The following MAPK10 variants were observed in gnomAD, a reference collection of about 807,000 sequenced individuals.
MAPK10 encodes JNK3 alpha protein kinase.
Under a neutral mutation model 59.3 loss-of-function variants are expected in MAPK10, and 25 were observed. That is an observed-to-expected ratio of 0.42 (90% CI 0.31 to 0.59). MAPK10 has a LOEUF of 0.59. MAPK10 is among the 20% of genes least tolerant of loss of function. MAPK10 has a pLI of 0.15. For missense variants in MAPK10, 351 were observed against 568.9 expected, an observed-to-expected ratio of 0.62 and a Z score of 3.90; for synonymous variants, 190 against 200.5, an observed-to-expected ratio of 0.95 and a Z score of 0.44.
chr4:86,207,121 C>T (rs1340786795), intron 2 of MAPK10, among the ~76,000 whole-genome samples: 1 of 151,072 alleles, frequency 6.6e-6, no homozygotes, highest in African/African-American at 2.4e-5. Flanking sequence ...AGTCCTTGCC[C>T]ATGCCTATGT....
At chr4:86,067,203 C>T (rs542269584) in intron 10 of MAPK10, among the ~76,000 whole-genome samples, 2 of 152,168 alleles carry the variant, frequency 1.3e-5, no homozygotes, top group South Asian at 2.1e-4. Flanking sequence ...ATGCAGTTGC[C>T]CGATCTCGGC....
At chr4:86,427,992 T>G (rs943860205) in intron 1 of MAPK10, among the ~76,000 whole-genome samples, 2 of 152,194 alleles carry the variant, frequency 1.3e-5, no homozygotes, top group African/African-American at 4.8e-5. Context: ...GGCTTTTATT[T>G]TGACTTCTAG....
intron 1 of MAPK10, among the ~76,000 whole-genome samples, chr4:86,508,138 C>T (rs556147679): frequency 2.0e-5 from 3 of 152,140 alleles, no homozygotes; most frequent in South Asian, 2.1e-4. Context: ...TATTCCTATT[C>T]GCAAAAAAAT....
At chr4:86,552,426 GAGGAAGGAAGGAAGGA>G (rs1354327822) in intron 1 of MAPK10, among the ~76,000 whole-genome samples, 1 of 106,926 alleles carries the variant, frequency 9.4e-6, no homozygotes, top group South Asian at 3.7e-4. Flanking sequence ...GTCTCAAAGA[GAGGAAGGAAGGAAGGA>G]AGGAAGGAAG....
intron 1 of MAPK10, among the ~76,000 whole-genome samples, chr4:86,370,370 G>T (rs1471918502): frequency 2.6e-5 from 4 of 151,790 alleles, no homozygotes; most frequent in Non-Finnish European, 4.4e-5. Context: ...ACAAGAAATA[G>T]ATAACAAATT....
chr4:86,459,064 G>A (rs1751492494), intron 1 of MAPK10, among the ~76,000 whole-genome samples: 1 of 150,472 alleles, frequency 6.6e-6, no homozygotes, highest in Non-Finnish European at 1.5e-5. Context: ...AAATTAGCAA[G>A]AAAAAAAACA....
At chr4:86,134,740 A>C (rs2061591128) in intron 4 of MAPK10, among the ~76,000 whole-genome samples, 1 of 152,226 alleles carries the variant, frequency 6.6e-6, no homozygotes. Flanking sequence ...GCGACACAGA[A>C]GACAGTGATT....
intron 1 of MAPK10, among the ~76,000 whole-genome samples, chr4:86,510,294 G>A (rs979630023): frequency 4.6e-5 from 7 of 151,824 alleles, no homozygotes; most frequent in South Asian, 2.1e-4. Flanking sequence ...TGTATTTTTT[G>A]TAGAGGCAGA....
rs570057548 is a variant in MAPK10 at position 86,488,247 on chromosome 4, A to G, written c.-263+105663T>C. Among the ~76,000 whole-genome samples the G allele has an allele frequency of 2.0e-5, 3 of 152,344 alleles. No individual in the cohort carries two copies. In the East Asian group the frequency reaches 5.8e-4, roughly 29 times the overall value. ...CAAGCACAATTCAGTAATATTGGCC[A>G]CAGACATTATCCTTTTATTCTCTCG... is the stretch of plus-strand genomic sequence containing the variant. On this transcript the variant is annotated intron_variant, in intron 1 of 4. Transcript: ENST00000502302.
chr4:86,379,290 T>C (rs1217581762), intron 1 of MAPK10, among the ~76,000 whole-genome samples: 1 of 152,196 alleles, frequency 6.6e-6, no homozygotes, highest in Non-Finnish European at 1.5e-5. Flanking sequence ...AGCATTTCTA[T>C]ATTGTAGAAA....
chr4:86,209,906 T>C (rs1269693179), intron 2 of MAPK10, among the ~76,000 whole-genome samples: 3 of 152,084 alleles, frequency 2.0e-5, no homozygotes, highest in Non-Finnish European at 4.4e-5. Context: ...CAAAGCTGTA[T>C]GGTGCTGGCA....
At chr4:86,159,201 CTATT>C in intron 4 of MAPK10, 93 bp downstream of exon 4, 2 of 898,192 alleles carry the variant, frequency 2.2e-6, no homozygotes, top group Non-Finnish European at 3.2e-6. Context: ...CCAAATTATG[CTATT>C]TATTTTGGGG....
chr4:86,135,278 A>G (rs958733591), intron 4 of MAPK10, among the ~76,000 whole-genome samples: 1 of 152,216 alleles, frequency 6.6e-6, no homozygotes, highest in African/African-American at 2.4e-5. Flanking sequence ...GCAGACTTAA[A>G]TGTCCCTGTC....
chr4:86,335,400 C>G (rs1339824236), intron 2 of MAPK10, among the ~76,000 whole-genome samples: 1 of 152,168 alleles, frequency 6.6e-6, no homozygotes, highest in Non-Finnish European at 1.5e-5. Context: ...TAAAATCTGT[C>G]TGTAATGATT....
At chr4:86,445,748 G>T (rs570564523) in intron 1 of MAPK10, among the ~76,000 whole-genome samples, 1 of 151,964 alleles carries the variant, frequency 6.6e-6, no homozygotes, top group South Asian at 2.1e-4. Flanking sequence ...TATGTAGAAG[G>T]GGAAAATAAA....
At chr4:86,494,105 T>C (rs1194512836) in intron 1 of MAPK10, among the ~76,000 whole-genome samples, 1 of 152,206 alleles carries the variant, frequency 6.6e-6, no homozygotes, top group Non-Finnish European at 1.5e-5. Context: ...TCTTTCCAAG[T>C]TCTCTGGCTT....
intron 9 of MAPK10, among the ~76,000 whole-genome samples, chr4:86,073,280 CTCTT>C (rs1197809809): frequency 6.7e-6 from 1 of 149,466 alleles, no homozygotes; most frequent in Non-Finnish European, 1.5e-5. Flanking sequence ...TGGTTCTTCT[CTCTT>C]TTTTTCTTTA....
At chr4:86,019,805 C>G (rs2148893899) in intron 13 of MAPK10, among the ~76,000 whole-genome samples, 1 of 152,218 alleles carries the variant, frequency 6.6e-6, no homozygotes. Flanking sequence ...AGGGAAATTG[C>G]TTTTTTCTTA....
chr4:86,309,009 T>C (rs1464224681), intron 2 of MAPK10, among the ~76,000 whole-genome samples: 2 of 152,158 alleles, frequency 1.3e-5, no homozygotes, highest in Non-Finnish European at 2.9e-5. Flanking sequence ...ACTGCTATCA[T>C]CATCATTATT....
Sources: gnomAD v4.1 joint callset for allele counts (sites outside exome capture counted in the v4.1 genomes callset) on GRCh38, gnomAD v4.1.1 for gene constraint, MANE v1.5 for transcripts, NCBI Gene and HGNC (gene_info 2026-07-23, HGNC 2026-07-21) for gene names.